The following STAC3 variants were observed in gnomAD, a reference collection of about 807,000 sequenced individuals.
STAC3 encodes SH3 and cysteine rich domain 3, also known as SH3 and cysteine-rich domain-containing protein 3.
Under a neutral mutation model 48.5 loss-of-function variants are expected in STAC3, and 30 were observed. The observed-to-expected ratio is 0.62, with a 90% CI of 0.46 to 0.84. The LOEUF is 0.84. Ranked by LOEUF, STAC3 falls within the 40% of genes least tolerant of loss-of-function variation. The pLI is 0.00. For missense variants in STAC3, 419 were observed against 462.6 expected (o/e 0.91, Z 0.86); for synonymous variants, 144 against 158.6 (o/e 0.91, Z 0.69).
In STAC3 at chr12:57,243,727, C is replaced by T. The variant is rs1365576964; in HGVS notation, c.*85G>A. 2 of 1,271,602 alleles carry T rather than the reference C, an allele frequency of 1.6e-6. No homozygotes were observed. The highest frequency in any genetic ancestry group is 2.3e-6 in the Non-Finnish European group (2 of 885,258). 78.8% of individuals were successfully genotyped at this position (1,271,602 alleles called of 1,614,324 possible). ...CCTACCCCTCCTCTCCCAGCAGTCCCGTTGCTTTCGCCCCCCTCCCCAAAC... is the reference window on the plus strand; with the variant it reads ...CCTACCCCTCCTCTCCCAGCAGTCCTGTTGCTTTCGCCCCCCTCCCCAAAC... On this transcript the variant is annotated 3_prime_UTR_variant, in exon 12 of 12. Coordinates refer to ENST00000332782, the MANE Select transcript of STAC3 (RefSeq NM_145064.3).
chr12:57,248,075 A>G (rs1216431897), intron 5 of STAC3, 51 bp downstream of exon 5: 2 of 1,523,810 alleles, frequency 1.3e-6, no homozygotes, highest in South Asian at 2.2e-5. Context: ...AGATGGCATG[A>G]AACCATCTCT....
chr12:57,245,538 T>A (rs1408785529), intron 6 of STAC3, among the ~76,000 whole-genome samples: 1 of 151,906 alleles, frequency 6.6e-6, no homozygotes, highest in African/African-American at 2.4e-5. Context: ...GCCCGGCTAA[T>A]TTTTTGTATT....
intron 1 of STAC3, among the ~76,000 whole-genome samples, chr12:57,250,389 CAAAAAAAAAAAA>C (rs58777318): frequency 4.0e-4 from 17 of 42,412 alleles, no homozygotes; most frequent in East Asian, 3.9e-3. Flanking sequence ...GACTTCGTCT[CAAAAAAAAAAAA>C]AAAAAAAAAA....
At chr12:57,248,523 C>T (rs1331106459) in intron 4 of STAC3, among the ~76,000 whole-genome samples, 183 bp downstream of exon 4, 1 of 152,086 alleles carries the variant, frequency 6.6e-6, no homozygotes, top group Non-Finnish European at 1.5e-5. Flanking sequence ...GGACTACAGG[C>T]ACCTGTCACC....
rs1014313894 is a variant in STAC3, at chr12:57,243,582, G to C, written c.*230C>G. 1.2e-5 allele frequency: 8 copies of C among 688,200 alleles called. No individual in the cohort carries two copies. The highest frequency in any genetic ancestry group is 1.9e-5 in the Non-Finnish European group (7 of 378,090). 42.6% of individuals were successfully genotyped at this position (688,200 alleles called of 1,614,324 possible). ...GCGTTTTTTTCCAGCTCTTGCAAGC[G>C]GGGCCTGAAAGGTTTCGGGTCCGGG... On this transcript the variant is annotated 3_prime_UTR_variant, in exon 12 of 12. Transcript: ENST00000332782.
At position 57,243,694 on chromosome 12, in the gene STAC3, C is replaced by A. The variant is rs1219282123; in HGVS notation, c.*118G>T. 2 of 947,510 alleles carry A rather than the reference C, an allele frequency of 2.1e-6. No homozygotes were observed. The highest frequency in any genetic ancestry group is 1.6e-5 in the African/African-American group (1 of 61,832). The allele number at this position is 947,510 out of a possible 1,614,324, so 58.7% of individuals were successfully genotyped here. A position where few individuals can be genotyped will look rare whatever the true frequency, so the allele number is the denominator to read the frequency against. ...TCCCGGAAGCCCCGTCGCGCTCAGG[C>A]GGGCCTTCCTACCCCTCCTCTCCCA... On this transcript the variant is annotated 3_prime_UTR_variant, in exon 12 of 12. Coordinates refer to ENST00000332782, the MANE Select transcript of STAC3 (RefSeq NM_145064.3).
Position 57,243,772 on chromosome 12 carries a change from A to G in STAC3, c.*40T>C, listed in dbSNP as rs1006657109. On this transcript the variant is annotated 3_prime_UTR_variant, in exon 12 of 12. Transcript: ENST00000332782. ...CCAAACTCCACTGGGCCCGCCCAGAATGGGGTGTGGGTGTCTCCCGCTTGC... is the reference window on the plus strand; with the variant it reads ...CCAAACTCCACTGGGCCCGCCCAGAGTGGGGTGTGGGTGTCTCCCGCTTGC... The G allele has an allele frequency of 5.1e-6, 8 of 1,580,706 alleles. No homozygotes were observed. Among genetic ancestry groups the G allele is most frequent in the Non-Finnish European group, 5.2e-6 (6 of 1,151,488 alleles).
Position 57,244,015 on chromosome 12 carries a change from G to C in STAC3, c.996+73C>G. On this transcript the variant is annotated intron_variant, in intron 11 of 11. Coordinates refer to ENST00000332782, the MANE Select transcript of STAC3 (RefSeq NM_145064.3). ...AGGGGCTCACCCTAGTCTTATTAAT[G>C]GTTAAGCTCTCCAAGGAGTGTGGTG... 4 of 1,611,028 alleles carry C rather than the reference G, an allele frequency of 2.5e-6. No homozygotes were observed. In the South Asian group the frequency reaches 3.3e-5, roughly 13 times the overall value.
chr12:57,248,648 C>T lies in STAC3; in HGVS notation c.432+58G>A, dbSNP rs888806198. Reference sequence around the variant, plus strand: ...TCAGCCTCCCAAAGTGCTGGGATTACAGGCGTGAGCCACCACGCGTGGCCA... The same window carrying T: ...TCAGCCTCCCAAAGTGCTGGGATTATAGGCGTGAGCCACCACGCGTGGCCA... On this transcript the variant is annotated intron_variant, in intron 4 of 11. Transcript: ENST00000332782. 2.0e-5 allele frequency: 27 copies of T among 1,384,514 alleles called. No homozygotes were observed. The South Asian group carries it at 2.8e-4, about 14-fold the overall frequency. The allele number at this position is 1,384,514 out of a possible 1,614,324, so 85.8% of individuals were successfully genotyped here.
intron 4 of STAC3, 131 bp downstream of exon 4, chr12:57,248,575 G>A (rs904088478): frequency 1.4e-6 from 1 of 704,582 alleles, no homozygotes; most frequent in Admixed American, 2.1e-5. Context: ...GGGTTTCACT[G>A]TGTTAGCCAG....
intron 4 of STAC3, 129 bp downstream of exon 4, chr12:57,248,577 G>A (rs1248836493): frequency 2.8e-6 from 2 of 716,582 alleles, no homozygotes; most frequent in East Asian, 2.8e-5. Flanking sequence ...GTTTCACTGT[G>A]TTAGCCAGGA....
chr12:57,245,074 C>T, intron 7 of STAC3, 71 bp downstream of exon 7: 6 of 1,606,622 alleles, frequency 3.7e-6, no homozygotes, highest in Non-Finnish European at 5.1e-6. Context: ...GCCCTTTGCT[C>T]CTCCACCCTC....
At chr12:57,246,501 A>C (rs1422554354) in intron 6 of STAC3, among the ~76,000 whole-genome samples, 1 of 150,372 alleles carries the variant, frequency 6.7e-6, no homozygotes, top group Non-Finnish European at 1.5e-5. Flanking sequence ...TCAGCCTCCC[A>C]AGTAGCTGGG....
At position 57,249,188 on chromosome 12, in the gene STAC3, T is replaced by TGTA; in HGVS notation, c.184_186dup (p.Tyr62dup). 1 of 1,614,018 alleles carries TGTA rather than the reference T, an allele frequency of 6.2e-7. No individual in the cohort carries two copies. The highest frequency in any genetic ancestry group is 8.5e-7 in the Non-Finnish European group (1 of 1,180,000). ...TCTTCCTCTTCCTCTTCCTCATAGA[T>TGTA]GTAGTAGATGGGCCCACCCCCAGCT... is the stretch of plus-strand genomic sequence containing the variant. On this transcript the variant is annotated inframe_insertion, in exon 3 of 12. Coordinates refer to ENST00000332782, the MANE Select transcript of STAC3 (RefSeq NM_145064.3).
chr12:57,249,574 ACTTT>A lies in STAC3; in HGVS notation c.59_62del (p.Gln20LeufsTer6). The A allele has an allele frequency of 6.2e-7, 1 of 1,613,828 alleles. No homozygotes were observed. Among genetic ancestry groups the A allele is most frequent in the Non-Finnish European group, 8.5e-7 (1 of 1,179,944 alleles). On this transcript the variant is annotated frameshift_variant, in exon 2 of 12. Transcript: ENST00000332782. LOFTEE classifies it high-confidence loss of function. Reference sequence around the variant, plus strand: ...GTGGTCAGAGGCCCAGACTCACCCCACTTTGCCGAGTCTCTGCTGGGAAGGAGGG... The same window carrying A: ...GTGGTCAGAGGCCCAGACTCACCCCAGCCGAGTCTCTGCTGGGAAGGAGGG...
At position 57,245,227 on chromosome 12, in the gene STAC3, G is replaced by A. The variant is rs759166812; in HGVS notation, c.604-16C>T. The A allele has an allele frequency of 1.2e-6, 2 of 1,613,328 alleles. No individual in the cohort carries two copies. Among genetic ancestry groups the A allele is most frequent in the African/African-American group, 1.3e-5 (1 of 75,042 alleles). On this transcript the variant is annotated splice_polypyrimidine_tract_variant and intron_variant, in intron 6 of 11. Transcript: ENST00000332782. ...CTGCTACAGGCTGGAGGGGGCACCA[G>A]AGTTAGGGAGACGCTGTCTTGGGAA...
intron 5 of STAC3, 108 bp downstream of exon 5, chr12:57,248,018 A>G (rs757360488): frequency 9.0e-6 from 9 of 1,004,068 alleles, no homozygotes; most frequent in Non-Finnish European, 1.3e-5. Flanking sequence ...AGGGAGAATT[A>G]TGGGAAACAG....
chr12:57,249,287 G>GT lies in STAC3; in HGVS notation c.87dup (p.Leu30ThrfsTer36), dbSNP rs2037842440. 1 of 1,598,446 alleles carries GT rather than the reference G, an allele frequency of 6.3e-7. No homozygotes were observed. Among genetic ancestry groups the GT allele is most frequent in the South Asian group, 1.1e-5 (1 of 89,114 alleles). ...TTTGTCCCTGTAGAACCCTTCCTGA[G>GT]TAACTGCTTTAGCCGCTGTAGCTGA... On this transcript the variant is annotated frameshift_variant, in exon 3 of 12. Coordinates refer to ENST00000332782, the MANE Select transcript of STAC3 (RefSeq NM_145064.3). LOFTEE classifies it high-confidence loss of function.
At position 57,243,885 on chromosome 12, in the gene STAC3, G is replaced by A. The variant is rs753014378; in HGVS notation, c.1022C>T (p.Ala341Val). 2.6e-5 allele frequency: 42 copies of A among 1,613,732 alleles called. No individual in the cohort carries two copies. The highest frequency in any genetic ancestry group is 1.6e-4 in the Middle Eastern group (1 of 6,082). ...DQIVVQKGDEAGGYVKVYTGR... is the reference protein window; with the variant it reads ...DQIVVQKGDEVGGYVKVYTGR... ...GGTGTAGACCTTGACGTAGCCGCCCGCTTCGTCTCCTTTCTGCACCACGAT... is the reference window on the plus strand; with the variant it reads ...GGTGTAGACCTTGACGTAGCCGCCCACTTCGTCTCCTTTCTGCACCACGAT... Residue 341 changes from alanine (A) to valine (V), a missense_variant, in exon 12 of 12, where the codon GCG (alanine) becomes GTG (valine). By Grantham distance (64) the Ala-to-Val change is moderately conservative (BLOSUM62 0). Transcript: ENST00000332782.
Sources: gnomAD v4.1 joint callset for allele counts (sites outside exome capture counted in the v4.1 genomes callset) on GRCh38, gnomAD v4.1.1 for gene constraint, MANE v1.5 for transcripts, NCBI Gene and HGNC (gene_info 2026-07-23, HGNC 2026-07-21) for gene names.